IP6K3: variants seen among roughly 807,000 people sequenced by gnomAD.
IP6K3 encodes inositol hexakisphosphate kinase 3.
In IP6K3, 20 loss-of-function variants were observed where a neutral mutation model predicts 28.8. That is an observed-to-expected ratio of 0.70 (90% CI 0.49 to 1.01). IP6K3 has a LOEUF of 1.01. Among genes scored for constraint, IP6K3 ranks in the 50% least tolerant of loss-of-function variants. IP6K3 has a pLI of 0.00. For synonymous variants in IP6K3, 213 were observed against 221.3 expected (o/e 0.96, Z 0.33); for missense variants, 480 against 537.1 (o/e 0.89, Z 1.05).
the IP6K3 span, among the ~76,000 whole-genome samples, chr6:33,760,224 T>C: frequency 1.3e-5 from 2 of 152,240 alleles, no homozygotes; most frequent in South Asian, 4.1e-4. Context: ...TAGCTCATGG[T>C]AGCCACCCCT....
At chr6:33,731,142 C>A (rs187529847) in intron 2 of IP6K3, among the ~76,000 whole-genome samples, 3 of 152,352 alleles carry the variant, frequency 2.0e-5, no homozygotes, top group African/African-American at 7.2e-5. Context: ...GAGCCAGCAG[C>A]CTCGTGCAGT....
intron 3 of IP6K3, 123 bp from the exon 4 acceptor site, chr6:33,727,029 AGCCCTCACCAG>A: frequency 4.9e-6 from 5 of 1,022,006 alleles, no homozygotes; most frequent in Non-Finnish European, 5.5e-6. Flanking sequence ...TCTCCAGGGC[AGCCCTCACCAG>A]GCTGGGGCAC....
chr6:33,722,835 G>A lies in IP6K3; in HGVS notation c.1118C>T (p.Thr373Ile), dbSNP rs1482347622. Reference protein sequence around the residue: ...VDIRMIDFAHTTYKGYWNEHT... With the variant: ...VDIRMIDFAHITYKGYWNEHT... ...CTCATTCCAGTAGCCCTTGTATGTG[G>A]TATGAGCAAAGTCAATCATGCGGAT... The change falls in exon 6 of 6, where the codon ACC becomes ATC. Residue 373 changes from threonine (T) to isoleucine (I), a missense_variant. Physicochemically the swap from Thr to Ile is moderately conservative, Grantham distance 89. Coordinates refer to ENST00000293756, the MANE Select transcript of IP6K3 (RefSeq NM_054111.5). The A allele has an allele frequency of 1.2e-6, 2 of 1,613,620 alleles. No homozygotes were observed. The highest frequency in any genetic ancestry group is 2.2e-5 in the East Asian group (1 of 44,896).
rs1301025033 is a variant in IP6K3, at chr6:33,742,315, A to G, written c.-180+4443T>C. Among the ~76,000 whole-genome samples, 1 of 152,136 alleles carries G rather than the reference A, an allele frequency of 6.6e-6. No homozygotes were observed. Among genetic ancestry groups the G allele is most frequent in the Non-Finnish European group, 1.5e-5 (1 of 68,030 alleles). ...CTCTGGCTGTCTCTGGGAGTCTCGG[A>G]GACCCAGGACCAAGACCCAAGTCAG... On this transcript the variant is annotated intron_variant, in intron 1 of 5. Transcript: ENST00000293756. This position sits in a 1 kb window ranked among gnomAD's most constrained non-coding sequence, Gnocchi z 4.5.
intron 1 of IP6K3, 86 bp from the exon 2 acceptor site, chr6:33,735,741 C>T: frequency 3.1e-6 from 2 of 637,576 alleles, no homozygotes; most frequent in East Asian, 6.3e-5. Flanking sequence ...CACACAGCCT[C>T]GACCCCAGAA....
At chr6:33,738,050 A>G (rs1398143468) in intron 1 of IP6K3, among the ~76,000 whole-genome samples, 2 of 152,208 alleles carry the variant, frequency 1.3e-5, no homozygotes, top group African/African-American at 4.8e-5. Context: ...CCTACTTGCA[A>G]ATTTGGAGAA....
At chr6:33,733,687 C>T (rs934986841) in intron 2 of IP6K3, among the ~76,000 whole-genome samples, 4 of 152,244 alleles carry the variant, frequency 2.6e-5, no homozygotes, top group Admixed American at 6.5e-5. Context: ...CACCAGCCTG[C>T]GGGCCGGGAA....
At chr6:33,739,489 G>A (rs557738012) in intron 1 of IP6K3, among the ~76,000 whole-genome samples, 6 of 152,304 alleles carry the variant, frequency 3.9e-5, no homozygotes, top group East Asian at 1.9e-4. Flanking sequence ...GGTGGGTTTC[G>A]CCGCTGCTCG....
intron 1 of IP6K3, among the ~76,000 whole-genome samples, chr6:33,743,690 T>C (rs1766808908): frequency 6.6e-6 from 1 of 152,028 alleles, no homozygotes; most frequent in African/African-American, 2.4e-5. Context: ...CAATACCTAG[T>C]GCTGGGGGAC....
chr6:33,733,374 G>A (rs1182552353), intron 2 of IP6K3, among the ~76,000 whole-genome samples: 1 of 152,264 alleles, frequency 6.6e-6, no homozygotes, highest in Admixed American at 6.5e-5. Context: ...GGCACTGAGA[G>A]TGGGGCCCTC....
chr6:33,753,019 C>T, the IP6K3 span, among the ~76,000 whole-genome samples: 1 of 152,208 alleles, frequency 6.6e-6, no homozygotes, highest in Non-Finnish European at 1.5e-5. Flanking sequence ...TCATGGCTCA[C>T]TGCAGGGCTC....
At position 33,746,498 on chromosome 6, in the gene IP6K3, A is replaced by AG. The variant is rs1050626701; in HGVS notation, c.-180+259dup. 1 of 152,216 alleles carries AG rather than the reference A, an allele frequency of 6.6e-6. No homozygotes were observed. Among genetic ancestry groups the AG allele is most frequent in the African/African-American group, 2.4e-5 (1 of 41,358 alleles). 9.4% of individuals were successfully genotyped at this position (152,216 alleles called of 1,614,324 possible). On this transcript the variant is annotated intron_variant, in intron 1 of 5. Transcript: ENST00000293756. The surrounding 1 kb of genome is among the most constrained non-coding windows in gnomAD (Gnocchi z 6.5). ...GTGGAATTCCCCTGGGAGAAGGGAG[A>AG]GGGATGAAAGAGGAACAGATGCCAG...
Position 33,722,666 on chromosome 6 carries a change from A to G in IP6K3, c.*54T>C. On this transcript the variant is annotated 3_prime_UTR_variant, in exon 6 of 6. Coordinates refer to ENST00000293756, the MANE Select transcript of IP6K3 (RefSeq NM_054111.5). ...TGTCTGGACTACCCTAGCAACCAAC[A>G]GGTCTCTATTTGAGATCTATAGCCC... 8.0e-7 allele frequency: 1 copy of G among 1,253,612 alleles called. No homozygotes were observed. Among genetic ancestry groups the G allele is most frequent in the Non-Finnish European group, 1.1e-6 (1 of 882,870 alleles). 77.7% of individuals were successfully genotyped at this position (1,253,612 alleles called of 1,614,324 possible). A position where few individuals can be genotyped will look rare whatever the true frequency, so the allele number is the denominator to read the frequency against.
At chr6:33,761,116 G>T in the IP6K3 span, among the ~76,000 whole-genome samples, 5 of 152,080 alleles carry the variant, frequency 3.3e-5, no homozygotes, top group African/African-American at 9.7e-5. Context: ...CTTGGTTTTG[G>T]CAGGGAACCT....
At chr6:33,737,000 T>C (rs1198266823) in intron 1 of IP6K3, among the ~76,000 whole-genome samples, 14 of 152,162 alleles carry the variant, frequency 9.2e-5, no homozygotes. Flanking sequence ...CAGCTCTGGG[T>C]TGTAGGACAG....
At chr6:33,728,569 C>T (rs746542724) in intron 2 of IP6K3, among the ~76,000 whole-genome samples, 3 of 152,218 alleles carry the variant, frequency 2.0e-5, no homozygotes, top group Non-Finnish European at 2.9e-5. Flanking sequence ...TGCCTCTTTG[C>T]GCTTTCAACA....
Position 33,735,315 on chromosome 6 carries a change from C to A in IP6K3, c.162G>T (p.Leu54=). 2 of 1,610,934 alleles carry A rather than the reference C, an allele frequency of 1.2e-6. No homozygotes were observed. Among genetic ancestry groups the A allele is most frequent in the Non-Finnish European group, 1.7e-6 (2 of 1,178,730 alleles). The part of the protein sequence containing the change: ...VSREQRFYES[L]PLAMKRFTPQ... ...GGGTGAACCGCTTCATGGCCAGCGG[C>A]AGGGATTCATAGAACCTCTGCTCCC... The change falls in exon 2 of 6, where the codon CTG becomes CTT. Residue 54 remains leucine, a synonymous_variant. Coordinates refer to ENST00000293756, the MANE Select transcript of IP6K3 (RefSeq NM_054111.5).
At chr6:33,759,273 C>G in the IP6K3 span, among the ~76,000 whole-genome samples, 1 of 152,096 alleles carries the variant, frequency 6.6e-6, no homozygotes, top group Non-Finnish European at 1.5e-5. Context: ...AAAGTTATGT[C>G]CATGTCACTT....
intron 5 of IP6K3, among the ~76,000 whole-genome samples, chr6:33,724,097 G>A (rs1226867184): frequency 6.6e-6 from 1 of 152,168 alleles, no homozygotes; most frequent in Admixed American, 6.5e-5. Context: ...TACATGATAT[G>A]TTCATAGAAA....
Sources: gnomAD v4.1 joint callset for allele counts (sites outside exome capture counted in the v4.1 genomes callset) on GRCh38, gnomAD v4.1.1 for gene constraint, Gnocchi (gnomAD v3.1) non-coding constraint, MANE v1.5 for transcripts, NCBI Gene and HGNC (gene_info 2026-07-23, HGNC 2026-07-21) for gene names.